TNNI3K: variants seen among roughly 807,000 people sequenced by gnomAD.
The protein encoded by TNNI3K is TNNI3 interacting kinase.
TNNI3K carries 140 observed loss-of-function variants against 114.5 expected under a neutral mutation model. The observed-to-expected ratio is 1.22, with a 90% confidence interval of 1.07 to 1.41. TNNI3K has a LOEUF of 1.41. Ranked by LOEUF, TNNI3K falls within the 40% of genes most tolerant of loss-of-function variation. The pLI is 0.00. For synonymous variants in TNNI3K, 347 were observed against 347.5 expected (o/e 1.00, Z 0.02); for missense variants, 1,125 against 1,007.6 (o/e 1.12, Z -1.58).
chr1:74,541,930 T>G (rs1646731541), intron 24 of TNNI3K, among the ~76,000 whole-genome samples: 2 of 152,230 alleles, frequency 1.3e-5, no homozygotes, highest in African/African-American at 4.8e-5. Context: ...CCCCCTGCTT[T>G]GCCGCCAAAG....
At chr1:74,531,740 A>G (rs1646586743) in intron 23 of TNNI3K, among the ~76,000 whole-genome samples, 1 of 152,184 alleles carries the variant, frequency 6.6e-6, no homozygotes, top group African/African-American at 2.4e-5. Context: ...GTATTATTGT[A>G]TGTGTTTCCT....
chr1:74,313,023 A>G (rs950657909), intron 5 of TNNI3K, among the ~76,000 whole-genome samples: 1 of 152,170 alleles, frequency 6.6e-6, no homozygotes, highest in African/African-American at 2.4e-5. Context: ...AGCCTCAGTC[A>G]CTTTTTAATC....
Position 74,264,164 on chromosome 1 carries a change from CT to C in TNNI3K, c.334-7423del, listed in dbSNP as rs1030244902. Among the ~76,000 whole-genome samples, 340 of 145,598 alleles carry C rather than the reference CT, an allele frequency of 2.3e-3. 1 individual carries two copies. Among genetic ancestry groups the C allele is most frequent in the African/African-American group, 7.1e-3 (283 of 40,024 alleles). On this transcript the variant is annotated intron_variant, in intron 4 of 24. Transcript: ENST00000326637. ...AAGAGTATGTTACTTCTCTTTTTTTCTTTTTTTTTTTCCAAAATTTCAAGCA... is the reference window on the plus strand; with the variant it reads ...AAGAGTATGTTACTTCTCTTTTTTTCTTTTTTTTTTCCAAAATTTCAAGCA...
chr1:74,451,229 C>A (rs780569673), intron 20 of TNNI3K, among the ~76,000 whole-genome samples: 1 of 151,934 alleles, frequency 6.6e-6, no homozygotes, highest in Non-Finnish European at 1.5e-5. Context: ...GGGAACAATG[C>A]ATACTGGGGC....
chr1:74,487,493 A>G (rs1264992113), intron 21 of TNNI3K, among the ~76,000 whole-genome samples: 1 of 152,158 alleles, frequency 6.6e-6, no homozygotes, highest in Non-Finnish European at 1.5e-5. Flanking sequence ...TTGAAGTGAG[A>G]CCAGGCAGAA....
intron 21 of TNNI3K, among the ~76,000 whole-genome samples, chr1:74,486,507 C>CTTTT (rs397940623): frequency 5.1e-4 from 70 of 137,094 alleles, no homozygotes; most frequent in African/African-American, 1.7e-3. Context: ...TTGTTTTTTG[C>CTTTT]TTTTTTTTTT....
At chr1:74,470,184 G>T (rs2100734270) in intron 21 of TNNI3K, 1 of 400,604 alleles carries the variant, frequency 2.5e-6, no homozygotes. Flanking sequence ...GGGTTTCATG[G>T]GAACTTGTGA....
At chr1:74,296,801 C>T (rs1337803210) in intron 5 of TNNI3K, among the ~76,000 whole-genome samples, 2 of 152,098 alleles carry the variant, frequency 1.3e-5, no homozygotes, top group East Asian at 3.9e-4. Context: ...ATCAATTTTA[C>T]TGTTGCTTAT....
intron 7 of TNNI3K, among the ~76,000 whole-genome samples, 160 bp downstream of exon 7, chr1:74,336,309 G>A (rs1279810928): frequency 6.6e-6 from 1 of 151,828 alleles, no homozygotes; most frequent in Non-Finnish European, 1.5e-5. Flanking sequence ...TATTTATCAG[G>A]CCTACATGCG....
chr1:74,291,141 C>T (rs571969782), intron 5 of TNNI3K, among the ~76,000 whole-genome samples: 54 of 151,612 alleles, frequency 3.6e-4, no homozygotes, highest in Non-Finnish European at 7.7e-4. Flanking sequence ...CTGTCTCCTT[C>T]TTCTAGAGTA....
intron 5 of TNNI3K, among the ~76,000 whole-genome samples, chr1:74,322,957 T>C (rs1659702216): frequency 1.3e-5 from 2 of 152,194 alleles, no homozygotes; most frequent in East Asian, 1.9e-4. Context: ...CCTTCTAAGA[T>C]GCAAATTAAA....
chr1:74,438,471 AAAGT>A (rs1557565571), intron 19 of TNNI3K, among the ~76,000 whole-genome samples: 4 of 152,092 alleles, frequency 2.6e-5, no homozygotes, highest in Non-Finnish European at 4.4e-5. Flanking sequence ...TGGACATTTA[AAAGT>A]GTGTAGCAAA....
At chr1:74,484,206 G>T (rs1309064191) in intron 21 of TNNI3K, among the ~76,000 whole-genome samples, 2 of 109,572 alleles carry the variant, frequency 1.8e-5, no homozygotes, top group African/African-American at 3.2e-5. Context: ...ATCTTCCCTG[G>T]TTGATTAAAA....
At chr1:74,277,570 GCA>G in intron 5 of TNNI3K, among the ~76,000 whole-genome samples, 1 of 152,098 alleles carries the variant, frequency 6.6e-6, no homozygotes, top group Non-Finnish European at 1.5e-5. Flanking sequence ...AGGTATATGA[GCA>G]CACAACACAC....
chr1:74,496,360 G>A (rs891519292), intron 23 of TNNI3K, among the ~76,000 whole-genome samples: 3 of 151,960 alleles, frequency 2.0e-5, no homozygotes, highest in African/African-American at 7.3e-5. Flanking sequence ...TCTGATCTTT[G>A]GATTTCCTAA....
At chr1:74,407,026 A>T (rs1664649046) in intron 17 of TNNI3K, among the ~76,000 whole-genome samples, 1 of 152,158 alleles carries the variant, frequency 6.6e-6, no homozygotes, top group Non-Finnish European at 1.5e-5. Context: ...TCCAACAATA[A>T]ATCTGTTGTC....
Position 74,489,195 on chromosome 1 carries a change from C to A in TNNI3K, c.2128C>A (p.Pro710Thr), listed in dbSNP as rs367667018. 32 of 1,610,530 alleles carry A rather than the reference C, an allele frequency of 2.0e-5. No homozygotes were observed. The East Asian group carries it at 4.5e-4, about 23-fold the overall frequency. ...TTCTTTTTTCTATTTACAGGGAAGA[C>A]CCGAATTTTCTGAAGTTGTCATGAA... ...RGWNACPEGR[P>T]EFSEVVMKLE... The change falls in exon 22 of 25, where the codon CCC becomes ACC. Residue 710 changes from proline to threonine, a missense_variant. Pro to Thr is a conservative substitution (Grantham distance 38). Transcript: ENST00000326637.
chr1:74,388,647 T>C (rs1378307756), intron 17 of TNNI3K, among the ~76,000 whole-genome samples: 1 of 152,170 alleles, frequency 6.6e-6, no homozygotes, highest in Non-Finnish European at 1.5e-5. Flanking sequence ...TGATCCTACT[T>C]TTAACTTTAT....
intron 17 of TNNI3K, 88 bp from the exon 18 acceptor site, chr1:74,435,992 C>G: frequency 4.6e-6 from 7 of 1,515,910 alleles, no homozygotes. Context: ...CAAATGATGT[C>G]TATGGTCCTC....
Sources: gnomAD v4.1 joint callset for allele counts (sites outside exome capture counted in the v4.1 genomes callset) on GRCh38, gnomAD v4.1.1 for gene constraint, MANE v1.5 for transcripts, NCBI Gene and HGNC (gene_info 2026-07-23, HGNC 2026-07-21) for gene names.